The following TMC1 variants were observed in gnomAD, a reference collection of about 807,000 sequenced individuals.
TMC1 encodes the protein transmembrane channel like 1, also known as transmembrane channel-like protein 1.
A neutral mutation model predicts 105.8 loss-of-function variants in TMC1; 84 were observed. The observed-to-expected ratio is 0.79, with a 90% confidence interval of 0.67 to 0.95. TMC1 has a LOEUF of 0.95. Among genes scored for constraint, TMC1 ranks in the 40% least tolerant of loss-of-function variants. The probability of loss-of-function intolerance (pLI) is 0.00; values close to 1 mark genes in which losing one functional copy is unlikely to be tolerated. For synonymous variants in TMC1, 315 were observed against 311.5 expected (o/e 1.01, Z -0.12); for missense variants, 817 against 914.1 (o/e 0.89, Z 1.37).
intron 12 of TMC1, among the ~76,000 whole-genome samples, chr9:72,766,612 G>C (rs1474265110): frequency 6.6e-6 from 1 of 152,042 alleles, no homozygotes; most frequent in Non-Finnish European, 1.5e-5. Context: ...CAGGAGGCAG[G>C]GGGACAAGAG....
At chr9:72,606,297 A>G (rs951562262) in intron 2 of TMC1, among the ~76,000 whole-genome samples, 3 of 152,110 alleles carry the variant, frequency 2.0e-5, no homozygotes, top group African/African-American at 4.8e-5. Context: ...GCTTCCCCAA[A>G]AGCATGGAAT....
At chr9:72,685,113 T>TTTTTTTTTTTTC (rs1826356032) in intron 5 of TMC1, among the ~76,000 whole-genome samples, 1 of 143,396 alleles carries the variant, frequency 7.0e-6, no homozygotes, top group African/African-American at 2.6e-5. Flanking sequence ...TTTTTTTTTT[T>TTTTTTTTTTTTC]TTTTTTTTTT....
chr9:72,768,863 G>T (rs905886997), intron 12 of TMC1, among the ~76,000 whole-genome samples: 1 of 152,170 alleles, frequency 6.6e-6, no homozygotes, highest in South Asian at 2.1e-4. Flanking sequence ...TTAGATAAAA[G>T]ATATCAGGTG....
chr9:72,698,238 A>C (rs1308459749), intron 7 of TMC1, among the ~76,000 whole-genome samples: 1 of 152,188 alleles, frequency 6.6e-6, no homozygotes, highest in Non-Finnish European at 1.5e-5. Flanking sequence ...TATTCTAAGC[A>C]AAATGTTTGA....
At chr9:72,782,174 T>C (rs1422229704) in intron 13 of TMC1, among the ~76,000 whole-genome samples, 1 of 152,134 alleles carries the variant, frequency 6.6e-6, no homozygotes, top group Non-Finnish European at 1.5e-5. Flanking sequence ...AATAAATAAA[T>C]GTGATTTATC....
At chr9:72,555,661 C>A (rs934203862) in intron 1 of TMC1, among the ~76,000 whole-genome samples, 18 of 151,812 alleles carry the variant, frequency 1.2e-4, no homozygotes, top group African/African-American at 3.9e-4. Flanking sequence ...TGCTCTGTCA[C>A]CCATGCTGGA....
At chr9:72,743,381 A>T (rs990789251) in intron 10 of TMC1, among the ~76,000 whole-genome samples, 6 of 145,756 alleles carry the variant, frequency 4.1e-5, no homozygotes, top group Non-Finnish European at 7.5e-5. Flanking sequence ...AAAAAAAAAA[A>T]TAAAAAAAAT....
At chr9:72,770,026 T>C (rs1002384392) in intron 12 of TMC1, among the ~76,000 whole-genome samples, 4 of 152,104 alleles carry the variant, frequency 2.6e-5, no homozygotes, top group African/African-American at 7.2e-5. Flanking sequence ...ACTAGATAAA[T>C]GTGAAACAAG....
intron 10 of TMC1, among the ~76,000 whole-genome samples, chr9:72,745,882 A>G (rs1827481024): frequency 6.6e-6 from 1 of 152,142 alleles, no homozygotes; most frequent in Non-Finnish European, 1.5e-5. Context: ...TATCTACAAC[A>G]TCTTGGGTTT....
At chr9:72,612,137 C>A (rs918589280) in intron 2 of TMC1, among the ~76,000 whole-genome samples, 2 of 152,112 alleles carry the variant, frequency 1.3e-5, no homozygotes, top group Admixed American at 6.5e-5. Flanking sequence ...CCCTTCAGGC[C>A]TAGAGTTGGT....
At chr9:72,720,032 A>T (rs1359253942) in intron 8 of TMC1, among the ~76,000 whole-genome samples, 1 of 152,230 alleles carries the variant, frequency 6.6e-6, no homozygotes, top group Non-Finnish European at 1.5e-5. Flanking sequence ...AGTTATTGAG[A>T]TAATTAAATA....
At chr9:72,532,568 A>C (rs1174309875) in intron 1 of TMC1, among the ~76,000 whole-genome samples, 2 of 40,554 alleles carry the variant, frequency 4.9e-5, no homozygotes, top group African/African-American at 3.6e-4. Flanking sequence ...AAAAAAAAAA[A>C]AAAAAAAAAA....
In TMC1 at chr9:72,630,519, G is replaced by A. The variant is rs181509619; in HGVS notation, c.-53+2456G>A. ...TACTGCAGGGTTTCTTCAATGATGA[G>A]TTGTAAGAATCAGCCTAAGTAGCTA... On this transcript the variant is annotated intron_variant, in intron 4 of 23. Transcript: ENST00000297784. Among the ~76,000 whole-genome samples, 675 of 152,246 alleles carry A rather than the reference G, an allele frequency of 4.4e-3. 6 individuals are homozygous for A. Among genetic ancestry groups the A allele is most frequent in the Admixed American group, 0.012 (178 of 15,286 alleles).
intron 18 of TMC1, among the ~76,000 whole-genome samples, chr9:72,806,596 G>A (rs1170092182): frequency 6.6e-6 from 1 of 150,430 alleles, no homozygotes; most frequent in Non-Finnish European, 1.5e-5. Flanking sequence ...GGGCGGCCGG[G>A]CAGAGATGCT....
Position 72,572,036 on chromosome 9 carries a change from A to G in TMC1, c.-427-5866A>G, listed in dbSNP as rs146267972. On this transcript the variant is annotated intron_variant, in intron 1 of 23. Coordinates refer to ENST00000297784, the MANE Select transcript of TMC1 (RefSeq NM_138691.3). The stretch of plus-strand genomic sequence containing the variant: ...TTTTTAGTAGAGATGGGCTTTCTCC[A>G]TGTTGGTCAAGCTGGTCTCGAACTC... Among the ~76,000 whole-genome samples the G allele has an allele frequency of 5.7e-3, 868 of 152,202 alleles. 3 individuals are homozygous for G. The highest frequency in any genetic ancestry group is 0.014 in the Middle Eastern group (4 of 294).
At position 72,641,933 on chromosome 9, in the gene TMC1, G is replaced by A. The variant is rs577614335; in HGVS notation, c.-52-6664G>A. 9.0e-5 allele frequency among the ~76,000 whole-genome samples: 13 copies of A among 143,830 alleles called. No homozygotes were observed. The East Asian group carries it at 1.8e-3, about 20-fold the overall frequency. 94.4% of individuals were successfully genotyped at this position (143,830 alleles called of 152,430 possible). On this transcript the variant is annotated intron_variant, in intron 4 of 23. Transcript: ENST00000297784. ...CCCGGGTTCAAGTGATTCTCCTCCC[G>A]CAGCCTCCTGAGTAGCTAGGATTAC... is the stretch of plus-strand genomic sequence containing the variant.
chr9:72,770,468 C>T (rs1827908498), intron 12 of TMC1, among the ~76,000 whole-genome samples: 1 of 137,402 alleles, frequency 7.3e-6, no homozygotes, highest in South Asian at 2.3e-4. Context: ...ACCTAGGCTG[C>T]AGTGCAATGG....
intron 15 of TMC1, among the ~76,000 whole-genome samples, chr9:72,789,860 AG>A: frequency 6.6e-6 from 1 of 152,348 alleles, no homozygotes; most frequent in Admixed American, 6.5e-5. Flanking sequence ...TGTTTTCATT[AG>A]AAGCCTAACT....
Position 72,672,243 on chromosome 9 carries a change from C to T in TMC1, c.17-16466C>T, listed in dbSNP as rs543349538. On this transcript the variant is annotated intron_variant, in intron 5 of 23. Coordinates refer to ENST00000297784, the MANE Select transcript of TMC1 (RefSeq NM_138691.3). ...CCACTGATAATATTTTGTTCTAAAA[C>T]GAAACATATTACTTAGTACTTTTTT... 2.5e-3 allele frequency among the ~76,000 whole-genome samples: 379 copies of T among 152,070 alleles called. 4 individuals carry two copies. The highest frequency in any genetic ancestry group is 8.5e-3 in the African/African-American group (353 of 41,498).
Sources: gnomAD v4.1 joint callset for allele counts (sites outside exome capture counted in the v4.1 genomes callset) on GRCh38, gnomAD v4.1.1 for gene constraint, MANE v1.5 for transcripts, NCBI Gene and HGNC (gene_info 2026-07-23, HGNC 2026-07-21) for gene names.